PCLO: variants seen among roughly 807,000 people sequenced by gnomAD.
PCLO encodes piccolo presynaptic cytomatrix protein.
A neutral mutation model predicts 427.5 loss-of-function variants in PCLO; 82 were observed. That is an observed-to-expected ratio of 0.19 (90% CI 0.16 to 0.23). The LOEUF is 0.23. PCLO is among the 10% of genes least tolerant of loss of function. PCLO has a pLI of 1.00. For synonymous variants in PCLO, 2,357 were observed against 2,155.4 expected, an observed-to-expected ratio of 1.09 and a Z score of -2.59; for missense variants, 6,239 against 6,115.9, an observed-to-expected ratio of 1.02 and a Z score of -0.67.
intron 3 of PCLO, among the ~76,000 whole-genome samples, chr7:83,081,259 T>C (rs925500723): frequency 4.6e-5 from 7 of 151,938 alleles, no homozygotes; most frequent in African/African-American, 1.4e-4. Context: ...CCTCACAACA[T>C]ATCAATGTTT....
chr7:82,940,180 T>C (rs1387064190), intron 6 of PCLO, among the ~76,000 whole-genome samples: 3 of 152,178 alleles, frequency 2.0e-5, no homozygotes, highest in African/African-American at 7.2e-5. Flanking sequence ...TGGTGTGCAG[T>C]TGAGTGAGCA....
chr7:82,850,406 C>A (rs2522843), intron 10 of PCLO, among the ~76,000 whole-genome samples: 59,246 of 151,904 alleles, frequency 0.39, 12,683 homozygotes, highest in East Asian at 0.7. Context: ...GCTTAATAGG[C>A]TACTAAACAC....
Position 82,952,534 on chromosome 7 carries a change from T to C in PCLO, c.8419A>G (p.Thr2807Ala), listed in dbSNP as rs1164030680. Residue 2807 changes from threonine (T) to alanine (A), a missense_variant, in exon 5 of 25, where the codon ACT becomes GCT. Thr to Ala is a moderately conservative substitution (Grantham distance 58). Around this residue, in one of 5 missense-constraint regions of PCLO, gnomAD observed 4,677 missense variants for 4,468.4 expected, o/e 1.05. Transcript: ENST00000333891. ...CCCACTAGGCTTTCTGTGCCTGTAGTGTAACTTGCACTAGCTGTGCATGTG... is the reference window on the plus strand; with the variant it reads ...CCCACTAGGCTTTCTGTGCCTGTAGCGTAACTTGCACTAGCTGTGCATGTG... ...FVTCTASASY[T>A]TGTESLVGAE... 1.2e-6 allele frequency: 2 copies of C among 1,613,954 alleles called. No homozygotes were observed. Among genetic ancestry groups the C allele is most frequent in the Admixed American group, 1.7e-5 (1 of 60,018 alleles).
intron 3 of PCLO, among the ~76,000 whole-genome samples, chr7:83,000,713 G>A (rs1787801640): frequency 6.6e-6 from 1 of 151,970 alleles, no homozygotes; most frequent in Admixed American, 6.6e-5. Context: ...TTCCTAACAG[G>A]CCAGTCTGTT....
chr7:82,824,515 A>G, intron 18 of PCLO, 99 bp from the exon 19 acceptor site: 1 of 694,728 alleles, frequency 1.4e-6, no homozygotes, highest in South Asian at 2.3e-5. Flanking sequence ...GATATAAACC[A>G]AGGAATACAG....
intron 22 of PCLO, among the ~76,000 whole-genome samples, chr7:82,771,327 G>T (rs1790643158): frequency 6.6e-6 from 1 of 151,798 alleles, no homozygotes. Context: ...TCCTAAGATA[G>T]AATTTGTTAA....
rs1483536249 is a variant in PCLO at position 82,950,815 on chromosome 7, T to A, written c.9773A>T (p.Glu3258Val). The change falls in exon 6 of 25, where the codon GAG becomes GTG. Residue 3258 changes from glutamate to valine, a missense_variant. Glu to Val is a moderately radical substitution (Grantham distance 121). Coordinates refer to ENST00000333891, the MANE Select transcript of PCLO (RefSeq NM_033026.6). ...GTGTTGCTTCATAGACTGCAGCTCC[T>A]CCAACTTTTTCTGAACCATGATCTT... is the stretch of plus-strand genomic sequence containing the variant. ...QEKIMVQKKL[E>V]ELQSMKQHLL... The A allele has an allele frequency of 3.1e-6, 5 of 1,613,738 alleles. No individual in the cohort carries two copies. The highest frequency in any genetic ancestry group is 4.2e-6 in the Non-Finnish European group (5 of 1,179,872).
intron 3 of PCLO, among the ~76,000 whole-genome samples, chr7:83,017,434 AG>A (rs975919425): frequency 2.6e-5 from 4 of 152,046 alleles, no homozygotes; most frequent in Non-Finnish European, 5.9e-5. Flanking sequence ...TTCATTCTTG[AG>A]AACAAAACCA....
intron 3 of PCLO, among the ~76,000 whole-genome samples, chr7:83,039,351 TA>T (rs777666704): frequency 5.1e-4 from 78 of 152,092 alleles, no homozygotes; most frequent in Admixed American, 2.6e-3. Flanking sequence ...TTTTAGCTCT[TA>T]TATTTAAGTT....
In PCLO at chr7:83,162,618, C is replaced by A; in HGVS notation, c.-26G>T. The stretch of plus-strand genomic sequence containing the variant: ...GGCTCAGGGAGACTCGGGGCCGCCG[C>A]GCTCCCTCCTCGCGCCGCGTCCCAG... On this transcript the variant is annotated 5_prime_UTR_variant, in exon 1 of 25. Transcript: ENST00000333891. 6.6e-7 allele frequency: 1 copy of A among 1,511,984 alleles called. No homozygotes were observed. Among genetic ancestry groups the A allele is most frequent in the South Asian group, 1.3e-5 (1 of 79,792 alleles). The allele number at this position is 1,511,984 out of a possible 1,614,324, so 93.7% of individuals were successfully genotyped here. A position where few individuals can be genotyped will look rare whatever the true frequency, so the allele number is the denominator to read the frequency against.
intron 3 of PCLO, among the ~76,000 whole-genome samples, chr7:83,097,655 T>C (rs1171659788): frequency 6.6e-6 from 1 of 151,132 alleles, no homozygotes; most frequent in Non-Finnish European, 1.5e-5. Flanking sequence ...TATTAAAAAC[T>C]GGTTCAGCAT....
At chr7:82,790,445 CAAT>C (rs958161722) in intron 22 of PCLO, among the ~76,000 whole-genome samples, 7 of 152,158 alleles carry the variant, frequency 4.6e-5, no homozygotes, top group Non-Finnish European at 7.3e-5. Context: ...AAGGCTTTGA[CAAT>C]GATGTTTCCC....
At chr7:82,841,626 A>T in intron 13 of PCLO, 117 bp from the exon 14 acceptor site, 1 of 660,418 alleles carries the variant, frequency 1.5e-6, no homozygotes. Flanking sequence ...TGGAAAATAT[A>T]TTTTATCCAT....
intron 3 of PCLO, among the ~76,000 whole-genome samples, chr7:82,993,012 A>G (rs1796412511): frequency 6.6e-6 from 1 of 152,030 alleles, no homozygotes; most frequent in African/African-American, 2.4e-5. Flanking sequence ...TTGTCTCTAT[A>G]CATACATGGC....
chr7:83,155,224 G>A lies in PCLO; in HGVS notation c.1417C>T (p.Leu473=). ...QTGPTKPPSQ[L]PGPAKPPPQQ... ...GGTGGGGGCTTTGCTGGGCCAGGCA[G>A]TTGTGAAGGAGGCTTTGTTGGGCCA... Residue 473 remains leucine (L), a synonymous_variant, in exon 2 of 25, where the codon CTG becomes TTG. Transcript: ENST00000333891. The A allele has an allele frequency of 6.2e-7, 1 of 1,613,802 alleles. No homozygotes were observed. The highest frequency in any genetic ancestry group is 8.5e-7 in the Non-Finnish European group (1 of 1,179,844).
intron 20 of PCLO, chr7:82,820,409 A>G (rs1394337924): frequency 1.5e-5 from 10 of 664,090 alleles, no homozygotes; most frequent in Middle Eastern, 6.2e-4. Flanking sequence ...AACGAAATCA[A>G]TTGAGAAAAC....
At chr7:82,759,002 A>G (rs977305991) in intron 24 of PCLO, among the ~76,000 whole-genome samples, 1 of 151,970 alleles carries the variant, frequency 6.6e-6, no homozygotes, top group African/African-American at 2.4e-5. Context: ...TAACTAGCTA[A>G]TTCTAAGTTT....
At chr7:82,909,783 A>C (rs1794278385) in intron 7 of PCLO, among the ~76,000 whole-genome samples, 1 of 152,120 alleles carries the variant, frequency 6.6e-6, no homozygotes, top group Admixed American at 6.6e-5. Flanking sequence ...TGTAATTGTT[A>C]AATAAAAATA....
chr7:83,033,262 T>G (rs1788715702), intron 3 of PCLO, among the ~76,000 whole-genome samples: 1 of 152,214 alleles, frequency 6.6e-6, no homozygotes. Context: ...TCAGACTGAT[T>G]TGATTAGGAA....
Sources: gnomAD v4.1 joint callset for allele counts (sites outside exome capture counted in the v4.1 genomes callset) on GRCh38, gnomAD v4.1.1 for gene constraint, gnomAD v4.1.1 regional missense constraint, MANE v1.5 for transcripts, NCBI Gene and HGNC (gene_info 2026-07-23, HGNC 2026-07-21) for gene names.